Variants in HDAC9 observed in about 807,000 individuals in gnomAD.
The protein encoded by HDAC9 is histone deacetylase 9, also known as MEF-2 interacting transcription repressor (MITR) protein.
HDAC9 carries 41 observed loss-of-function variants against 139.4 expected under a neutral mutation model. That is an observed-to-expected ratio of 0.29 (90% CI 0.23 to 0.38). HDAC9 has a LOEUF of 0.38. Among genes scored for constraint, HDAC9 ranks in the 10% least tolerant of loss-of-function variants. The probability of loss-of-function intolerance (pLI) is 1.00; values close to 1 mark genes in which losing one functional copy is unlikely to be tolerated. For synonymous variants in HDAC9, 517 were observed against 476.2 expected, an observed-to-expected ratio of 1.09 and a Z score of -1.12; for missense variants, 1,147 against 1,297.0, an observed-to-expected ratio of 0.88 and a Z score of 1.78.
intron 12 of HDAC9, among the ~76,000 whole-genome samples, chr7:18,714,349 C>T (rs1042251898): frequency 2.0e-5 from 3 of 152,224 alleles, no homozygotes; most frequent in African/African-American, 4.8e-5. Context: ...ATTCAATCCT[C>T]AGGCCCAAAC....
At chr7:18,792,370 G>A (rs911859354) in intron 16 of HDAC9, among the ~76,000 whole-genome samples, 1 of 150,942 alleles carries the variant, frequency 6.6e-6, no homozygotes, top group Non-Finnish European at 1.5e-5. Context: ...CTATTTCCTG[G>A]TGCTTCAAAT....
chr7:18,409,323 T>G (rs1012230251), intron 1 of HDAC9, among the ~76,000 whole-genome samples: 16 of 152,178 alleles, frequency 1.1e-4, no homozygotes, highest in Admixed American at 3.3e-4. Flanking sequence ...AAGTGTGTAT[T>G]TCATGTGCCT....
At chr7:18,800,225 C>G (rs144831167) in intron 17 of HDAC9, among the ~76,000 whole-genome samples, 305 of 152,326 alleles carry the variant, frequency 2.0e-3, no homozygotes, top group African/African-American at 6.9e-3. Flanking sequence ...TTAGTCCATT[C>G]ACCTATCTCT....
intron 2 of HDAC9, among the ~76,000 whole-genome samples, chr7:18,575,755 C>A (rs150501677): frequency 6.6e-6 from 1 of 152,180 alleles, no homozygotes; most frequent in Non-Finnish European, 1.5e-5. Flanking sequence ...GGATTTTAAT[C>A]GGGTATGTGT....
intron 2 of HDAC9, among the ~76,000 whole-genome samples, chr7:18,176,554 T>C (rs1270710771): frequency 6.6e-6 from 1 of 152,184 alleles, no homozygotes; most frequent in East Asian, 1.9e-4. Context: ...TCTCCTATCA[T>C]TTTATGTGTA....
intron 6 of HDAC9, among the ~76,000 whole-genome samples, chr7:18,610,043 AT>A (rs1270150176): frequency 2.6e-5 from 4 of 152,126 alleles, no homozygotes; most frequent in South Asian, 2.1e-4. Flanking sequence ...CAGCCATCCC[AT>A]TACTGGATAT....
At chr7:18,928,942 C>T (rs572793331) in intron 22 of HDAC9, among the ~76,000 whole-genome samples, 14 of 151,082 alleles carry the variant, frequency 9.3e-5, no homozygotes, top group South Asian at 2.1e-4. Context: ...TTTCTTACAA[C>T]GAGAATGCAA....
chr7:18,474,487 T>G (rs1316100376), intron 1 of HDAC9, among the ~76,000 whole-genome samples: 1 of 152,214 alleles, frequency 6.6e-6, no homozygotes, highest in Non-Finnish European at 1.5e-5. Flanking sequence ...GCAATCAAAT[T>G]TTAATATATT....
At chr7:18,486,163 C>T (rs185808033) in intron 1 of HDAC9, among the ~76,000 whole-genome samples, 279 of 152,196 alleles carry the variant, frequency 1.8e-3, no homozygotes, top group Non-Finnish European at 2.7e-3. Flanking sequence ...TCCTGAAGGA[C>T]CTAATCACCT....
chr7:18,201,941 CTCAGAATACT>C (rs1474322600), intron 2 of HDAC9, among the ~76,000 whole-genome samples: 1 of 152,128 alleles, frequency 6.6e-6, no homozygotes, highest in Non-Finnish European at 1.5e-5. Context: ...TGGGAACGTG[CTCAGAATACT>C]TCCCAGTAAT....
At chr7:18,978,665 TATAGC>T (rs1784705192) in intron 25 of HDAC9, among the ~76,000 whole-genome samples, 1 of 152,200 alleles carries the variant, frequency 6.6e-6, no homozygotes. Context: ...TCTGGTCACA[TATAGC>T]ATACTACTTA....
At chr7:18,142,234 A>G (rs1356636783) in intron 1 of HDAC9, among the ~76,000 whole-genome samples, 1 of 152,188 alleles carries the variant, frequency 6.6e-6, no homozygotes, top group Non-Finnish European at 1.5e-5. Context: ...AGAAAGGATT[A>G]GACATGTCTT....
At chr7:18,773,930 G>A (rs1790535706) in intron 16 of HDAC9, among the ~76,000 whole-genome samples, 1 of 151,944 alleles carries the variant, frequency 6.6e-6, no homozygotes, top group Non-Finnish European at 1.5e-5. Flanking sequence ...TCTTTGTGAA[G>A]TATTTTAACC....
At chr7:18,096,975 G>C (rs1271860239) in intron 1 of HDAC9, among the ~76,000 whole-genome samples, 1 of 151,458 alleles carries the variant, frequency 6.6e-6, no homozygotes, top group Admixed American at 6.6e-5. Flanking sequence ...TCTAACAGTT[G>C]TATAGATTAG....
chr7:18,428,073 T>C (rs1328887840), intron 1 of HDAC9, among the ~76,000 whole-genome samples: 1 of 152,240 alleles, frequency 6.6e-6, no homozygotes, highest in Non-Finnish European at 1.5e-5. Context: ...CTTCCATTTT[T>C]TTAAGGCTGA....
chr7:18,916,186 G>A (rs572637762), intron 22 of HDAC9, among the ~76,000 whole-genome samples: 7 of 152,048 alleles, frequency 4.6e-5, no homozygotes, highest in East Asian at 1.9e-4. Context: ...GTGTACTAGC[G>A]TGAATATGAA....
At chr7:18,907,078 C>T (rs1802325130) in intron 22 of HDAC9, 1 of 152,176 alleles carries the variant, frequency 6.6e-6, no homozygotes, top group African/African-American at 2.4e-5. Context: ...CATCCAAAAG[C>T]ATAGAAACCA....
chr7:18,705,091 C>T (rs1783781316), intron 12 of HDAC9, among the ~76,000 whole-genome samples: 1 of 152,108 alleles, frequency 6.6e-6, no homozygotes, highest in South Asian at 2.1e-4. Flanking sequence ...TGTTTAAACA[C>T]ATTAAATGGG....
At chr7:18,681,430 C>T (rs925326588) in intron 12 of HDAC9, among the ~76,000 whole-genome samples, 3 of 151,718 alleles carry the variant, frequency 2.0e-5, no homozygotes, top group Admixed American at 1.3e-4. Flanking sequence ...TTATCTTTAA[C>T]AATATTTGTT....
Sources: allele counts gnomAD v4.1 joint callset (sites outside exome capture counted in the v4.1 genomes callset), GRCh38; gene constraint gnomAD v4.1.1; transcripts MANE v1.5; gene names NCBI Gene and HGNC (gene_info 2026-07-23, HGNC 2026-07-21).